Variants in RALGAPB observed in about 807,000 individuals in gnomAD.
RALGAPB encodes the protein ral GTPase-activating protein subunit beta.
RALGAPB carries 25 observed loss-of-function variants against 161.1 expected under a neutral mutation model. The ratio of observed to expected loss-of-function variants is 0.16; its 90% CI spans 0.11 to 0.22. RALGAPB has a LOEUF of 0.22. RALGAPB is among the 10% of genes least tolerant of loss of function. The probability of loss-of-function intolerance (pLI) is 1.00; values close to 1 mark genes in which losing one functional copy is unlikely to be tolerated. For missense variants in RALGAPB, 1,391 were observed against 1,815.2 expected, an observed-to-expected ratio of 0.77 and a Z score of 4.25; for synonymous variants, 629 against 626.1, an observed-to-expected ratio of 1.00 and a Z score of -0.07.
chr20:38,569,118 G>A (rs1215415764), intron 26 of RALGAPB: 1 of 152,170 alleles, frequency 6.6e-6, no homozygotes, highest in Non-Finnish European at 1.5e-5. Flanking sequence ...ATGGACTCTG[G>A]TCATCTGGTA....
intron 13 of RALGAPB, among the ~76,000 whole-genome samples, chr20:38,529,558 C>G (rs180954048): frequency 6.7e-6 from 1 of 149,834 alleles, no homozygotes; most frequent in Non-Finnish European, 1.5e-5. Context: ...AAAGCTTGGG[C>G]GTGGTGGCTC....
chr20:38,546,791 G>T, intron 19 of RALGAPB: 1 of 212,134 alleles, frequency 4.7e-6, no homozygotes, highest in Non-Finnish European at 9.6e-6. Context: ...ATCAATTGTT[G>T]GTGCTACCTA....
In RALGAPB at chr20:38,498,562, T is replaced by C. The variant is rs544587755; in HGVS notation, c.554-885T>C. Among the ~76,000 whole-genome samples, 140 of 152,374 alleles carry C rather than the reference T, an allele frequency of 9.2e-4. 1 individual carries two copies. Among genetic ancestry groups the C allele is most frequent in the African/African-American group, 3.2e-3 (134 of 41,594 alleles). ...GACAGTCATTGATTCATCACCTCTC[T>C]GCTACTTACTCCCCATGCCAGGGGT... On this transcript the variant is annotated intron_variant, in intron 4 of 29. Transcript: ENST00000262879.
intron 18 of RALGAPB, 107 bp from the exon 19 acceptor site, chr20:38,546,136 C>T (rs1244396226): frequency 6.4e-7 from 1 of 1,557,702 alleles, no homozygotes; most frequent in South Asian, 1.2e-5. Context: ...AGAAGCATGG[C>T]TGTGGTCAAT....
chr20:38,567,668 C>T (rs1415422843), intron 26 of RALGAPB, among the ~76,000 whole-genome samples: 1 of 152,168 alleles, frequency 6.6e-6, no homozygotes, highest in African/African-American at 2.4e-5. Flanking sequence ...AGGAACACAG[C>T]ACCTACTACA....
chr20:38,501,019 A>G (rs1035000623), intron 5 of RALGAPB, among the ~76,000 whole-genome samples: 5 of 152,236 alleles, frequency 3.3e-5, no homozygotes, highest in South Asian at 2.1e-4. Flanking sequence ...AGCCATGTCT[A>G]TAACGTGAAA....
At chr20:38,542,865 G>GAA (rs139383773) in intron 18 of RALGAPB, among the ~76,000 whole-genome samples, 1 of 148,072 alleles carries the variant, frequency 6.8e-6, no homozygotes. Flanking sequence ...TTCCATCTCA[G>GAA]AAAAAAAAAA....
intron 1 of RALGAPB, among the ~76,000 whole-genome samples, chr20:38,475,096 T>C (rs2084765657): frequency 6.6e-6 from 1 of 152,228 alleles, no homozygotes; most frequent in Admixed American, 6.5e-5. Context: ...AATGTCTGAT[T>C]CTATCACAAT....
chr20:38,576,362 G>T lies in RALGAPB; in HGVS notation c.*1395G>T, dbSNP rs974237924. ...GGGTCAGAGCTACAACCATCTGTTT[G>T]GTTTGATGTTTTGGTGGTTTACTTA... On this transcript the variant is annotated 3_prime_UTR_variant, in exon 30 of 30. Transcript: ENST00000262879. 2 of 152,640 alleles carry T rather than the reference G, an allele frequency of 1.3e-5. No homozygotes were observed. The highest frequency in any genetic ancestry group is 2.4e-5 in the African/African-American group (1 of 41,456). 9.5% of individuals were successfully genotyped at this position (152,640 alleles called of 1,614,324 possible). A position where few individuals can be genotyped will look rare whatever the true frequency, so the allele number is the denominator to read the frequency against.
chr20:38,478,472 G>A (rs1356171422), intron 1 of RALGAPB, among the ~76,000 whole-genome samples: 2 of 152,152 alleles, frequency 1.3e-5, no homozygotes, highest in Non-Finnish European at 2.9e-5. Context: ...CCAGGCTAGA[G>A]TGCAGTGGCG....
chr20:38,511,664 A>G (rs2085959884), intron 6 of RALGAPB, among the ~76,000 whole-genome samples: 2 of 152,214 alleles, frequency 1.3e-5, no homozygotes, highest in Non-Finnish European at 2.9e-5. Flanking sequence ...GTTATAAATT[A>G]ACAGCATCCC....
intron 19 of RALGAPB, 22 bp from the exon 20 acceptor site, chr20:38,548,667 T>G: frequency 6.4e-7 from 1 of 1,565,724 alleles, no homozygotes; most frequent in Admixed American, 1.7e-5. Context: ...ATTAAAACTT[T>G]TATATACATA....
At chr20:38,488,802 G>C (rs531120217) in intron 2 of RALGAPB, among the ~76,000 whole-genome samples, 184 bp downstream of exon 2, 5 of 152,258 alleles carry the variant, frequency 3.3e-5, no homozygotes, top group Admixed American at 1.3e-4. Context: ...TTTGAGTTGA[G>C]GGCTGGGACT....
intron 10 of RALGAPB, among the ~76,000 whole-genome samples, chr20:38,522,230 C>A (rs552113361): frequency 5.3e-5 from 8 of 152,346 alleles, no homozygotes; most frequent in African/African-American, 1.9e-4. Context: ...TTATGCTGGA[C>A]TTATAAAGGA....
At chr20:38,530,199 C>T (rs1371804595) in intron 13 of RALGAPB, among the ~76,000 whole-genome samples, 1 of 152,164 alleles carries the variant, frequency 6.6e-6, no homozygotes, top group African/African-American at 2.4e-5. Flanking sequence ...TGGTTAGCAT[C>T]ACATTGTATT....
chr20:38,496,118 A>C (rs1336010246), intron 3 of RALGAPB, among the ~76,000 whole-genome samples: 1 of 152,050 alleles, frequency 6.6e-6, no homozygotes, highest in Non-Finnish European at 1.5e-5. Context: ...CCTTTACTAG[A>C]TCCACCTTTA....
intron 15 of RALGAPB, among the ~76,000 whole-genome samples, chr20:38,534,175 AAAG>A (rs1355492972): frequency 1.7e-4 from 26 of 152,084 alleles, no homozygotes; most frequent in Admixed American, 1.6e-3. Context: ...AAAAACAAAA[AAAG>A]AAATTTTTCA....
chr20:38,513,175 C>G (rs930479713), intron 6 of RALGAPB, among the ~76,000 whole-genome samples: 2 of 151,952 alleles, frequency 1.3e-5, no homozygotes, highest in Non-Finnish European at 1.5e-5. Context: ...CGAGACCAGC[C>G]TGGGCAACAT....
intron 21 of RALGAPB, 48 bp downstream of exon 21, chr20:38,551,271 TC>T (rs2087364759): frequency 6.4e-7 from 1 of 1,571,860 alleles, no homozygotes; most frequent in Admixed American, 1.7e-5. Context: ...ATAGAAACAT[TC>T]TTACGACTTC....
Sources: gnomAD v4.1 joint callset for allele counts (sites outside exome capture counted in the v4.1 genomes callset) on GRCh38, gnomAD v4.1.1 for gene constraint, MANE v1.5 for transcripts, NCBI Gene and HGNC (gene_info 2026-07-23, HGNC 2026-07-21) for gene names.